The following ATG16L2 variants were observed in gnomAD, a reference collection of about 807,000 sequenced individuals.
ATG16L2 encodes autophagy related 16 like 2, also known as protein Atg16l2.
ATG16L2 carries 77 observed loss-of-function variants against 84.7 expected under a neutral mutation model. The ratio of observed to expected loss-of-function variants is 0.91; its 90% CI spans 0.76 to 1.10. The LOEUF is 1.10. Ranked by LOEUF, ATG16L2 falls within the 50% of genes least tolerant of loss-of-function variation. ATG16L2 has a pLI of 0.00. For missense variants in ATG16L2, 782 were observed against 817.6 expected, an observed-to-expected ratio of 0.96 and a Z score of 0.53; for synonymous variants, 361 against 342.8, an observed-to-expected ratio of 1.05 and a Z score of -0.59.
Position 72,822,023 on chromosome 11 carries a change from TC to T in ATG16L2, c.393-19del. 1 of 1,484,098 alleles carries T rather than the reference TC, an allele frequency of 6.7e-7. No individual in the cohort carries two copies. The highest frequency in any genetic ancestry group is 2.5e-5 in the Admixed American group (1 of 40,174). The allele number at this position is 1,484,098 out of a possible 1,614,324, so 91.9% of individuals were successfully genotyped here. On this transcript the variant is annotated intron_variant, in intron 4 of 17. Coordinates refer to ENST00000321297, the MANE Select transcript of ATG16L2 (RefSeq NM_033388.2). This position sits in a 1 kb window ranked among gnomAD's most constrained non-coding sequence, Gnocchi z 4.2. Reference sequence around the variant, plus strand: ...GACGGGGGAAGCTTGGGACCCGCTATCCGCTCTTTCCGTCCTCCAGGCTGGC... The same window carrying T: ...GACGGGGGAAGCTTGGGACCCGCTATCGCTCTTTCCGTCCTCCAGGCTGGC...
chr11:72,819,837 C>G (rs1859881638), intron 3 of ATG16L2, among the ~76,000 whole-genome samples: 1 of 152,106 alleles, frequency 6.6e-6, no homozygotes, highest in Non-Finnish European at 1.5e-5. Flanking sequence ...CCTCAGCCTC[C>G]CGGGTTCACG....
intron 14 of ATG16L2, 26 bp downstream of exon 14, chr11:72,827,319 C>CT: frequency 6.3e-7 from 1 of 1,576,146 alleles, no homozygotes; most frequent in Non-Finnish European, 8.7e-7. Flanking sequence ...TGGGGGAGGA[C>CT]TTGGGGAGGG....
chr11:72,841,678 A>G (rs2135152120), intron 5 of ATG16L2: 1 of 1,285,260 alleles, frequency 7.8e-7, no homozygotes, highest in Non-Finnish European at 1.0e-6. Context: ...CCTTTTCTCT[A>G]AAGCTAAGCT....
At chr11:72,843,443 AT>A (rs1320530784) in exon 6 of ATG16L2, 1 of 1,611,136 alleles carries the variant, frequency 6.2e-7, no homozygotes, top group African/African-American at 1.3e-5. Context: ...GAGCAAAGGA[AT>A]ATACCTTTAC....
rs1319364345 is a variant in ATG16L2 at position 72,826,731 on chromosome 11, T to G, written c.1274T>G (p.Val425Gly). 1 of 1,613,948 alleles carries G rather than the reference T, an allele frequency of 6.2e-7. No homozygotes were observed. Among genetic ancestry groups the G allele is most frequent in the Admixed American group, 1.7e-5 (1 of 59,992 alleles). The change falls in exon 13 of 18, where the codon GTG (valine) becomes GGG (glycine). Residue 425 changes from valine (V) to glycine (G), a missense_variant. Physicochemically the swap from Val to Gly is moderately radical, Grantham distance 109 (BLOSUM62 -3). Coordinates refer to ENST00000321297, the MANE Select transcript of ATG16L2 (RefSeq NM_033388.2). ...ACACTGTCTGGACACAAGGATAAGG[T>G]GACAGCTGCCAAATTCAAGCTAACG... ...KETLSGHKDK[V>G]TAAKFKLTRH...
Position 72,823,296 on chromosome 11 carries a change from C to T in ATG16L2, c.824+335C>T, listed in dbSNP as rs187389025. 2.6e-3 allele frequency: 859 copies of T among 335,204 alleles called. 6 individuals carry two copies. Among genetic ancestry groups the T allele is most frequent in the Non-Finnish European group, 3.8e-3 (663 of 175,986 alleles). 20.8% of individuals were successfully genotyped at this position (335,204 alleles called of 1,614,324 possible). On this transcript the variant is annotated intron_variant, in intron 7 of 17. Coordinates refer to ENST00000321297, the MANE Select transcript of ATG16L2 (RefSeq NM_033388.2). The stretch of plus-strand genomic sequence containing the variant: ...CCCAGTCATGCCAGGCATGTGTGCG[C>T]AGCCATAGGTGTGCAAGCATGTGCA...
rs1459417450 is a variant in ATG16L2, at chr11:72,821,680, G to C, written c.331G>C (p.Val111Leu). 6.5e-7 allele frequency: 1 copy of C among 1,536,796 alleles called. No homozygotes were observed. Among genetic ancestry groups the C allele is most frequent in the Non-Finnish European group, 8.7e-7 (1 of 1,145,890 alleles). ...TGTCCGCCCCCAGATGGCCTACCAG[G>C]TGGTGGAGAAGGGCGCGGCCCTGGG... ...RLVCGEMAYQ[V>L]VEKGAALGTL... Residue 111 changes from valine (V) to leucine (L), a missense_variant, in exon 4 of 18, where the codon GTG (valine) becomes CTG (leucine). Val to Leu is a conservative substitution (Grantham distance 32, BLOSUM62 1). Coordinates refer to ENST00000321297, the MANE Select transcript of ATG16L2 (RefSeq NM_033388.2).
intron 5 of ATG16L2, among the ~76,000 whole-genome samples, chr11:72,836,499 C>T (rs1415460264): frequency 6.6e-6 from 1 of 151,806 alleles, no homozygotes; most frequent in African/African-American, 2.4e-5. Flanking sequence ...TCACGTATTT[C>T]TTTTTTTTCC....
intron 2 of ATG16L2, 120 bp from the exon 3 acceptor site, chr11:72,817,636 C>A: frequency 1.1e-6 from 1 of 934,606 alleles, no homozygotes; most frequent in Non-Finnish European, 1.7e-6. Flanking sequence ...TGCTGGCTTC[C>A]ATCTTCCCAG....
At chr11:72,829,132 TC>T in intron 17 of ATG16L2, 148 bp downstream of exon 17, 2 of 1,090,890 alleles carry the variant, frequency 1.8e-6, no homozygotes, top group Non-Finnish European at 2.7e-6. Flanking sequence ...CAAGGTACTT[TC>T]CACACGCACT....
chr11:72,834,839 C>G (rs1860686337), intron 5 of ATG16L2, among the ~76,000 whole-genome samples: 1 of 152,218 alleles, frequency 6.6e-6, no homozygotes, highest in Admixed American at 6.5e-5. Context: ...CCAGCCTTGG[C>G]CTCCCAAAGT....
chr11:72,836,132 T>C (rs187929629), intron 5 of ATG16L2, among the ~76,000 whole-genome samples: 5 of 152,332 alleles, frequency 3.3e-5, no homozygotes, highest in African/African-American at 1.2e-4. Context: ...TTACTGCATG[T>C]CCCCAGCTCC....
downstream of ATG16L2, among the ~76,000 whole-genome samples, chr11:72,834,294 T>C (rs779767714): frequency 9.2e-5 from 14 of 152,304 alleles, no homozygotes; most frequent in Non-Finnish European, 1.6e-4. Flanking sequence ...TGGGCAGTCA[T>C]TGGCCACAAA....
chr11:72,838,539 C>A, intron 5 of ATG16L2: 2 of 535,052 alleles, frequency 3.7e-6, no homozygotes, highest in East Asian at 6.4e-5. Flanking sequence ...GGCTGCCCCC[C>A]TCTTTGCTCC....
intron 9 of ATG16L2, 121 bp from the exon 10 acceptor site, chr11:72,825,181 G>A: frequency 1.3e-6 from 1 of 741,132 alleles, no homozygotes; most frequent in Non-Finnish European, 2.3e-6. Flanking sequence ...GAGAAACTGG[G>A]GAGGGAGATA....
In ATG16L2 at chr11:72,825,349, C is replaced by T; in HGVS notation, c.1044C>T (p.Ser348=). Residue 348 remains serine, a synonymous_variant, in exon 10 of 18, where the codon AGC becomes AGT. Transcript: ENST00000321297. ...ATGCTGTTCGTTTTGGCCCCAACAG[C>T]AGCCTCCTGGCCACTGGAGGGGCTG... ...EVNAVRFGPN[S]SLLATGGADR... The T allele has an allele frequency of 6.2e-7, 1 of 1,613,574 alleles. No individual in the cohort carries two copies. The highest frequency in any genetic ancestry group is 8.5e-7 in the Non-Finnish European group (1 of 1,179,980).
At chr11:72,834,326 C>G (rs1024174791), downstream of ATG16L2, among the ~76,000 whole-genome samples, 1 of 152,208 alleles carries the variant, frequency 6.6e-6, no homozygotes, top group Non-Finnish European at 1.5e-5. Context: ...CAGCTGGGTT[C>G]TTCAGGCAGT....
chr11:72,822,885 A>G lies in ATG16L2; in HGVS notation c.748A>G (p.Arg250Gly), dbSNP rs766551326. The G allele has an allele frequency of 1.7e-4, 272 of 1,576,598 alleles. 4 individuals are homozygous for G. The highest frequency in any genetic ancestry group is 1.7e-3 in the Middle Eastern group (10 of 6,020). Residue 250 changes from arginine to glycine, a missense_variant, in exon 7 of 18, where the codon AGG becomes GGG. Transcript: ENST00000321297. This position sits in a 1 kb window ranked among gnomAD's most constrained non-coding sequence, Gnocchi z 4.2. ...CCTAGGCGATGGGATGAGGGAGAGA[A>G]GGGAGACTCTGGCTCTGGCCCCTGA... ...DTLGDGMRERRETLALAPEPE... is the reference protein window; with the variant it reads ...DTLGDGMRERGETLALAPEPE...
chr11:72,832,523 C>T (rs56088156), downstream of ATG16L2, among the ~76,000 whole-genome samples: 784 of 152,344 alleles, frequency 5.1e-3, 11 homozygotes, highest in African/African-American at 0.018. Context: ...AAGGCTGTTC[C>T]TCCCTCCAGC....
Sources: allele counts gnomAD v4.1 joint callset (sites outside exome capture counted in the v4.1 genomes callset), GRCh38; gene constraint gnomAD v4.1.1; non-coding constraint Gnocchi (gnomAD v3.1); transcripts MANE v1.5; gene names NCBI Gene and HGNC (gene_info 2026-07-23, HGNC 2026-07-21).